The following OXR1 variants were observed in gnomAD, a reference collection of about 807,000 sequenced individuals.
OXR1 encodes the protein oxidation resistance 1.
Under a neutral mutation model 104.6 loss-of-function variants are expected in OXR1, and 41 were observed. The ratio of observed to expected loss-of-function variants is 0.39; its 90% CI spans 0.31 to 0.51. The LOEUF is 0.51. Ranked by LOEUF, OXR1 falls within the 20% of genes least tolerant of loss-of-function variation. OXR1 has a pLI of 0.77. For missense variants in OXR1, 955 were observed against 1,031.9 expected (o/e 0.93, Z 1.02); for synonymous variants, 348 against 348.4 (o/e 1.00, Z 0.01).
intron 2 of OXR1, among the ~76,000 whole-genome samples, chr8:106,455,250 C>G (rs1189700821): frequency 1.3e-5 from 2 of 152,110 alleles, no homozygotes; most frequent in African/African-American, 2.4e-5. Flanking sequence ...CCATGTCTTA[C>G]AAAATAAACA....
At chr8:106,581,210 T>C in intron 3 of OXR1, 1 of 1,287,910 alleles carries the variant, frequency 7.8e-7, no homozygotes, top group Non-Finnish European at 1.0e-6. Context: ...TGCAGAAAGC[T>C]GAATTCCAAG....
Position 106,740,370 on chromosome 8 carries a change from A to G in OXR1, c.2191A>G (p.Ile731Val). ...KLTKHLPPRTIGYPWTLVYGT... is the reference protein window; with the variant it reads ...KLTKHLPPRTVGYPWTLVYGT... ...TACCAAGCATCTTCCACCAAGAACAATTGGCTATCCATGGACTCTTGTTTA... is the reference window on the plus strand; with the variant it reads ...TACCAAGCATCTTCCACCAAGAACAGTTGGCTATCCATGGACTCTTGTTTA... Residue 731 changes from isoleucine (I) to valine (V), a missense_variant, in exon 14 of 17, where the codon ATT becomes GTT. Physicochemically the swap from Ile to Val is conservative, Grantham distance 29 (BLOSUM62 3). Around this residue, in one of 2 missense-constraint regions of OXR1, gnomAD observed 106 missense variants for 179.0 expected, o/e 0.59. Transcript: ENST00000517566. 3.1e-6 allele frequency: 5 copies of G among 1,612,208 alleles called. No individual in the cohort carries two copies. The highest frequency in any genetic ancestry group is 1.1e-5 in the South Asian group (1 of 90,862).
At chr8:106,695,970 C>T (rs1173133253) in intron 7 of OXR1, among the ~76,000 whole-genome samples, 1 of 150,592 alleles carries the variant, frequency 6.6e-6, no homozygotes, top group Non-Finnish European at 1.5e-5. Flanking sequence ...ATCAATGAAG[C>T]AGTATTCAGG....
At chr8:106,388,702 G>A (rs958214598) in intron 2 of OXR1, among the ~76,000 whole-genome samples, 3 of 152,178 alleles carry the variant, frequency 2.0e-5, no homozygotes, top group East Asian at 1.9e-4. Context: ...GATTACAGGC[G>A]TGAGCCACCT....
chr8:106,541,906 G>T (rs1814982190), intron 3 of OXR1, among the ~76,000 whole-genome samples: 1 of 152,136 alleles, frequency 6.6e-6, no homozygotes. Flanking sequence ...TATGTATTTG[G>T]TCCTGGCTAC....
chr8:106,443,387 G>T (rs1044856081), intron 2 of OXR1, among the ~76,000 whole-genome samples: 5 of 152,054 alleles, frequency 3.3e-5, no homozygotes, highest in African/African-American at 1.2e-4. Flanking sequence ...ATACTCTGTT[G>T]ATTTGGGGTA....
intron 3 of OXR1, among the ~76,000 whole-genome samples, chr8:106,627,471 T>G (rs73294411): frequency 1.3e-4 from 20 of 152,264 alleles, no homozygotes; most frequent in African/African-American, 4.8e-4. Context: ...TAAAAAGTGG[T>G]AACGTGAGAT....
chr8:106,615,473 A>T (rs1157296636), intron 3 of OXR1, among the ~76,000 whole-genome samples: 3 of 151,886 alleles, frequency 2.0e-5, no homozygotes. Context: ...GGTGGCAAGC[A>T]CTTAAAGCCC....
chr8:106,376,785 A>G (rs1193389200), intron 2 of OXR1, among the ~76,000 whole-genome samples: 2 of 152,298 alleles, frequency 1.3e-5, no homozygotes, highest in Admixed American at 6.5e-5. Context: ...AATTCAGCTA[A>G]TTACTCAAAC....
intron 3 of OXR1, among the ~76,000 whole-genome samples, chr8:106,670,657 C>T (rs528733234): frequency 8.6e-5 from 13 of 151,888 alleles, no homozygotes; most frequent in African/African-American, 1.7e-4. Flanking sequence ...AATTAGACAC[C>T]GCAGAGGAAA....
At chr8:106,480,422 T>C (rs1489474296) in intron 2 of OXR1, among the ~76,000 whole-genome samples, 1 of 152,068 alleles carries the variant, frequency 6.6e-6, no homozygotes, top group Non-Finnish European at 1.5e-5. Flanking sequence ...AAATATTAAC[T>C]GCTATGTGTA....
intron 2 of OXR1, among the ~76,000 whole-genome samples, chr8:106,500,068 T>G (rs1204390331): frequency 2.0e-5 from 3 of 152,342 alleles, no homozygotes; most frequent in Non-Finnish European, 4.4e-5. Context: ...TGGATTTTTG[T>G]GCTACAAATC....
intron 3 of OXR1, among the ~76,000 whole-genome samples, chr8:106,665,953 C>CA (rs202130844): frequency 0.018 from 2,598 of 144,942 alleles, 37 homozygotes; most frequent in Admixed American, 0.05. Context: ...GAGAATATAA[C>CA]AAAAAAAAAA....
At chr8:106,285,123 C>T (rs1435508198) in intron 1 of OXR1, among the ~76,000 whole-genome samples, 1 of 152,096 alleles carries the variant, frequency 6.6e-6, no homozygotes, top group African/African-American at 2.4e-5. Context: ...CCCACTGCCC[C>T]CACCCCACAA....
chr8:106,331,159 G>A (rs1360653891), intron 1 of OXR1, among the ~76,000 whole-genome samples: 2 of 152,092 alleles, frequency 1.3e-5, no homozygotes, highest in Non-Finnish European at 2.9e-5. Flanking sequence ...AAAACTATTT[G>A]CCCTACTTTA....
At chr8:106,599,641 G>A (rs138444121) in intron 3 of OXR1, among the ~76,000 whole-genome samples, 19 of 152,282 alleles carry the variant, frequency 1.2e-4, no homozygotes, top group East Asian at 3.9e-4. Flanking sequence ...AGGATAAAGC[G>A]TAGAGGAAGG....
intron 2 of OXR1, among the ~76,000 whole-genome samples, chr8:106,382,664 C>T (rs1817196283): frequency 6.8e-6 from 1 of 146,032 alleles, no homozygotes; most frequent in South Asian, 2.2e-4. Flanking sequence ...GTCTCCTATC[C>T]AGGTCTGAGA....
chr8:106,601,481 C>G (rs1819966987), intron 3 of OXR1, among the ~76,000 whole-genome samples: 1 of 152,224 alleles, frequency 6.6e-6, no homozygotes, highest in South Asian at 2.1e-4. Flanking sequence ...ATGGAGAGAG[C>G]CCGGGCCCTT....
chr8:106,669,349 T>C (rs1435746786), intron 3 of OXR1, among the ~76,000 whole-genome samples: 1 of 152,160 alleles, frequency 6.6e-6, no homozygotes, highest in Admixed American at 6.5e-5. Context: ...AGATTTCTAC[T>C]TTCAAAAATT....
Sources: gnomAD v4.1 joint callset for allele counts (sites outside exome capture counted in the v4.1 genomes callset) on GRCh38, gnomAD v4.1.1 for gene constraint, gnomAD v4.1.1 regional missense constraint, MANE v1.5 for transcripts, NCBI Gene and HGNC (gene_info 2026-07-23, HGNC 2026-07-21) for gene names.